CCDC170: variants seen among roughly 807,000 people sequenced by gnomAD.
CCDC170 encodes coiled-coil domain-containing protein 170.
Under a neutral mutation model 72.6 loss-of-function variants are expected in CCDC170, and 69 were observed. The observed-to-expected ratio is 0.95, with a 90% confidence interval of 0.78 to 1.16. CCDC170 has a LOEUF of 1.16. CCDC170 is among the 50% of genes most tolerant of loss of function. The pLI, the probability that CCDC170 is intolerant of heterozygous loss-of-function variation, is 0.00. For missense variants in CCDC170, 852 were observed against 832.5 expected (o/e 1.02, Z -0.29); for synonymous variants, 300 against 303.9 (o/e 0.99, Z 0.13).
At chr6:151,600,288 C>G (rs1229463622) in intron 9 of CCDC170, among the ~76,000 whole-genome samples, 3 of 152,180 alleles carry the variant, frequency 2.0e-5, no homozygotes, top group Non-Finnish European at 2.9e-5. Context: ...TTTCACTATT[C>G]ATAAAGCAAT....
At chr6:151,616,462 G>A (rs1439988497) in intron 10 of CCDC170, among the ~76,000 whole-genome samples, 2 of 152,030 alleles carry the variant, frequency 1.3e-5, no homozygotes, top group South Asian at 2.1e-4. Flanking sequence ...CTGATCCTAG[G>A]ATTTTTTTTT....
intron 1 of CCDC170, among the ~76,000 whole-genome samples, chr6:151,524,184 T>C (rs555122126): frequency 6.6e-6 from 1 of 152,314 alleles, no homozygotes; most frequent in South Asian, 2.1e-4. Context: ...TTACTATGCA[T>C]GTGTTAGGGG....
chr6:151,503,133 C>T (rs575789854), intron 1 of CCDC170, among the ~76,000 whole-genome samples: 2 of 152,054 alleles, frequency 1.3e-5, no homozygotes, highest in South Asian at 4.1e-4. Context: ...GCCGAGATCA[C>T]GCCGCTGCCC....
At chr6:151,499,010 A>G (rs1242533446) in intron 1 of CCDC170, among the ~76,000 whole-genome samples, 1 of 147,030 alleles carries the variant, frequency 6.8e-6, no homozygotes, top group African/African-American at 2.6e-5. Flanking sequence ...ACTGTATTTG[A>G]CTATTCTAGG....
chr6:151,614,629 A>ATTTTTTTTTTT (rs34242496), intron 9 of CCDC170, among the ~76,000 whole-genome samples: 1 of 135,114 alleles, frequency 7.4e-6, no homozygotes, highest in Non-Finnish European at 1.6e-5. Context: ...TAACTTTTGT[A>ATTTTTTTTTTT]TTTTTTTTTT....
In CCDC170 at chr6:151,497,804, C is replaced by T. The variant is rs1292661798; in HGVS notation, c.57+3619C>T. 2.0e-5 allele frequency among the ~76,000 whole-genome samples: 3 copies of T among 151,620 alleles called. No individual in the cohort carries two copies. In the South Asian group the frequency reaches 6.2e-4, roughly 32 times the overall value. The stretch of plus-strand genomic sequence containing the variant: ...CATCCTGGCTAACATGGTAAAACCC[C>T]GTCTGTACTAAAAATACAAAAAGTA... On this transcript the variant is annotated intron_variant, in intron 1 of 10. Transcript: ENST00000239374.
Position 151,548,449 on chromosome 6 carries a change from A to C in CCDC170, c.734A>C (p.Lys245Thr), listed in dbSNP as rs1782814211. The C allele has an allele frequency of 6.2e-7, 1 of 1,609,408 alleles. No individual in the cohort carries two copies. The change falls in exon 5 of 11, where the codon AAA becomes ACA. Residue 245 changes from lysine (K) to threonine (T), a missense_variant. By Grantham distance (78) the Lys-to-Thr change is moderately conservative. Transcript: ENST00000239374. ...LASEVNREQK[K>T]AASCTEEKEK... ...TCAGAAGTCAACAGAGAGCAGAAAA[A>C]AGCTGCCTCCTGTACTGAAGAGAAA...
Position 151,618,240 on chromosome 6 carries a change from T to C in CCDC170, c.*93T>C. On this transcript the variant is annotated 3_prime_UTR_variant, in exon 11 of 11. Transcript: ENST00000239374. The stretch of plus-strand genomic sequence containing the variant: ...ATGTCTTTGAGATTTGATCAGTTTG[T>C]GAATATTTTATGCTTTGATGATATA... 1.7e-6 allele frequency: 2 copies of C among 1,153,818 alleles called. No homozygotes were observed. The highest frequency in any genetic ancestry group is 2.5e-6 in the Non-Finnish European group (2 of 796,452). 71.5% of individuals were successfully genotyped at this position (1,153,818 alleles called of 1,614,324 possible).
At chr6:151,570,469 A>T (rs1776201735) in intron 5 of CCDC170, among the ~76,000 whole-genome samples, 1 of 152,252 alleles carries the variant, frequency 6.6e-6, no homozygotes, top group South Asian at 2.1e-4. Context: ...ACAAATAAAA[A>T]CAACACATGA....
intron 9 of CCDC170, among the ~76,000 whole-genome samples, chr6:151,602,658 C>T (rs1045826757): frequency 6.6e-6 from 1 of 152,156 alleles, no homozygotes; most frequent in African/African-American, 2.4e-5. Context: ...CACATGCTCT[C>T]ACTCTTGCCT....
At chr6:151,583,669 G>C (rs1490222872) in intron 6 of CCDC170, among the ~76,000 whole-genome samples, 1 of 150,758 alleles carries the variant, frequency 6.6e-6, no homozygotes, top group South Asian at 2.1e-4. Flanking sequence ...TGTTGGCCAG[G>C]CTGGTCTTGA....
intron 2 of CCDC170, among the ~76,000 whole-genome samples, chr6:151,536,760 T>G (rs1782590519): frequency 1.9e-5 from 2 of 103,944 alleles, no homozygotes; most frequent in African/African-American, 4.0e-5. Context: ...GGTGACAGAG[T>G]GAGACTCCAT....
intron 3 of CCDC170, among the ~76,000 whole-genome samples, chr6:151,542,123 G>T (rs1782701427): frequency 6.6e-6 from 1 of 151,864 alleles, no homozygotes; most frequent in South Asian, 2.1e-4. Context: ...CAAGTGATCT[G>T]CCTGCCTTGG....
At chr6:151,574,287 A>G (rs1423232780) in intron 6 of CCDC170, among the ~76,000 whole-genome samples, 1 of 152,238 alleles carries the variant, frequency 6.6e-6, no homozygotes, top group Non-Finnish European at 1.5e-5. Context: ...CACAAGCCAC[A>G]TCTAACTGTG....
intron 9 of CCDC170, among the ~76,000 whole-genome samples, chr6:151,596,983 C>T (rs111654860): frequency 0.029 from 4,412 of 152,202 alleles, 179 homozygotes; most frequent in African/African-American, 0.093. Flanking sequence ...TGCGCCACCA[C>T]GCCTGGCTAA....
chr6:151,601,801 T>C (rs756242229), intron 9 of CCDC170, among the ~76,000 whole-genome samples: 3 of 152,172 alleles, frequency 2.0e-5, no homozygotes, highest in Non-Finnish European at 4.4e-5. Flanking sequence ...GGATGAAGCT[T>C]ACCCACATTA....
At chr6:151,614,351 A>G (rs576001577) in intron 9 of CCDC170, among the ~76,000 whole-genome samples, 1 of 152,310 alleles carries the variant, frequency 6.6e-6, no homozygotes, top group African/African-American at 2.4e-5. Flanking sequence ...CGTACTTCAT[A>G]TAAGTGGAAT....
intron 1 of CCDC170, among the ~76,000 whole-genome samples, chr6:151,521,765 C>T (rs755558413): frequency 2.6e-5 from 4 of 151,936 alleles, no homozygotes; most frequent in Non-Finnish European, 4.4e-5. Flanking sequence ...GGGTGGATCA[C>T]GAGGTCAGGA....
rs200506378 is a variant in CCDC170 at position 151,544,615 on chromosome 6, A to G, written c.487A>G (p.Lys163Glu). Residue 163 changes from lysine to glutamate, a missense_variant, in exon 4 of 11, where the codon AAG (lysine) becomes GAG (glutamate). Coordinates refer to ENST00000239374, the MANE Select transcript of CCDC170 (RefSeq NM_025059.4). Reference sequence around the variant, plus strand: ...TGAGGAGAATAAGAAACAAGTTTCAAAGAATTGCAGGAAACATGAGGAATT... The same window carrying G: ...TGAGGAGAATAAGAAACAAGTTTCAGAGAATTGCAGGAAACATGAGGAATT... ...ENEENKKQVS[K>E]NCRKHEEFLT... is the part of the protein sequence containing the mutation. 2.0e-4 allele frequency: 321 copies of G among 1,613,428 alleles called. 2 individuals are homozygous for G. Among genetic ancestry groups the G allele is most frequent in the Non-Finnish European group, 2.4e-4 (286 of 1,179,494 alleles).
Sources: allele counts gnomAD v4.1 joint callset (sites outside exome capture counted in the v4.1 genomes callset), GRCh38; gene constraint gnomAD v4.1.1; transcripts MANE v1.5; gene names NCBI Gene and HGNC (gene_info 2026-07-23, HGNC 2026-07-21).